Variants in ACOXL observed in about 807,000 individuals in gnomAD.
ACOXL encodes acyl-CoA oxidase like, also known as acyl-coenzyme A oxidase-like protein.
Under a neutral mutation model 71.9 loss-of-function variants are expected in ACOXL, and 70 were observed. The observed-to-expected ratio is 0.97, with a 90% CI of 0.80 to 1.19. The LOEUF (loss-of-function observed/expected upper bound fraction) is 1.19. ACOXL is among the 50% of genes most tolerant of loss of function. The pLI, the probability that ACOXL is intolerant of heterozygous loss-of-function variation, is 0.00. For synonymous variants in ACOXL, 253 were observed against 281.6 expected (o/e 0.90, Z 1.02); for missense variants, 703 against 736.3 (o/e 0.95, Z 0.52).
At chr2:110,797,480 C>A (rs1685419622) in intron 5 of ACOXL, among the ~76,000 whole-genome samples, 1 of 152,232 alleles carries the variant, frequency 6.6e-6, no homozygotes, top group Non-Finnish European at 1.5e-5. Flanking sequence ...TGAGGGATTT[C>A]TTTTTATAAA....
At chr2:110,943,805 G>T (rs946311334) in intron 12 of ACOXL, among the ~76,000 whole-genome samples, 2 of 152,094 alleles carry the variant, frequency 1.3e-5, no homozygotes, top group African/African-American at 4.8e-5. Flanking sequence ...ACCCAGGTAT[G>T]TCCTGGCCTG....
chr2:111,002,166 G>C (rs1192495555), intron 14 of ACOXL, among the ~76,000 whole-genome samples: 5 of 152,184 alleles, frequency 3.3e-5, no homozygotes, highest in African/African-American at 1.2e-4. Flanking sequence ...CAGACAGCCA[G>C]CAACTGGACT....
At chr2:111,092,745 A>G in intron 16 of ACOXL, 120 bp from the exon 17 acceptor site, 1 of 713,002 alleles carries the variant, frequency 1.4e-6, no homozygotes, top group Non-Finnish European at 2.4e-6. Context: ...TTAGGAAAGT[A>G]TTAACTTTTA....
chr2:110,967,670 T>TA (rs1255886664), intron 12 of ACOXL, among the ~76,000 whole-genome samples: 2 of 152,106 alleles, frequency 1.3e-5, no homozygotes, highest in African/African-American at 4.8e-5. Context: ...AAAGGAGAAA[T>TA]AGACAAATCA....
intron 10 of ACOXL, among the ~76,000 whole-genome samples, chr2:110,859,029 T>C (rs1270120328): frequency 2.0e-5 from 3 of 152,236 alleles, no homozygotes; most frequent in African/African-American, 4.8e-5. Context: ...TATATGACAA[T>C]TAAAGGTCAA....
intron 15 of ACOXL, among the ~76,000 whole-genome samples, chr2:111,040,483 C>T (rs546158953): frequency 1.3e-5 from 2 of 152,266 alleles, no homozygotes; most frequent in African/African-American, 4.8e-5. Flanking sequence ...TGTTGAAGTC[C>T]TGCCTTGTGC....
chr2:110,789,591 C>T (rs1274618073), intron 3 of ACOXL, among the ~76,000 whole-genome samples: 1 of 152,124 alleles, frequency 6.6e-6, no homozygotes, highest in Non-Finnish European at 1.5e-5. Flanking sequence ...GCTTTTTCTT[C>T]CTCTTCTTTA....
intron 9 of ACOXL, among the ~76,000 whole-genome samples, chr2:110,823,384 T>G (rs1216061945): frequency 6.6e-6 from 1 of 152,258 alleles, no homozygotes; most frequent in Non-Finnish European, 1.5e-5. Context: ...TCTCGGTTGC[T>G]TCCAGTTTTT....
At chr2:110,960,107 A>C (rs1387091840) in intron 12 of ACOXL, among the ~76,000 whole-genome samples, 2 of 152,142 alleles carry the variant, frequency 1.3e-5, no homozygotes, top group African/African-American at 4.8e-5. Flanking sequence ...TTCAGACCTG[A>C]GATGGAAATG....
chr2:111,074,792 A>C lies in ACOXL; in HGVS notation c.1441-18073A>C, dbSNP rs192115124. ...ATATTTTTTTTAGAGACAGGGTTTC[A>C]CCATGTTGTCCCAGCTTGTCTCAAA... On this transcript the variant is annotated intron_variant, in intron 16 of 17. Coordinates refer to ENST00000439055, the MANE Select transcript of ACOXL (RefSeq NM_001142807.4). 3.9e-5 allele frequency among the ~76,000 whole-genome samples: 6 copies of C among 152,104 alleles called. No individual in the cohort carries two copies. The East Asian group carries it at 1.2e-3, about 29-fold the overall frequency.
At chr2:110,798,182 G>GGCT (rs1465508384) in intron 5 of ACOXL, among the ~76,000 whole-genome samples, 1 of 151,844 alleles carries the variant, frequency 6.6e-6, no homozygotes, top group African/African-American at 2.4e-5. Flanking sequence ...CCTTCCCATT[G>GGCT]TCTTCTCTTC....
At chr2:110,897,200 T>C (rs1001008051) in intron 10 of ACOXL, among the ~76,000 whole-genome samples, 1 of 152,098 alleles carries the variant, frequency 6.6e-6, no homozygotes, top group African/African-American at 2.4e-5. Flanking sequence ...AAAATATATA[T>C]CAAAAATTGT....
At chr2:110,831,900 T>A (rs1463546022) in intron 9 of ACOXL, among the ~76,000 whole-genome samples, 2 of 152,046 alleles carry the variant, frequency 1.3e-5, no homozygotes, top group African/African-American at 4.8e-5. Flanking sequence ...CTTATACAAG[T>A]CTTACACCTT....
intron 11 of ACOXL, 109 bp from the exon 12 acceptor site, chr2:110,933,380 A>G (rs1330519687): frequency 1.1e-5 from 14 of 1,318,670 alleles, no homozygotes; most frequent in South Asian, 1.6e-5. Flanking sequence ...CATCACTGAC[A>G]TCATATTCTT....
intron 9 of ACOXL, among the ~76,000 whole-genome samples, chr2:110,823,607 T>A (rs1277771432): frequency 6.6e-6 from 1 of 152,222 alleles, no homozygotes; most frequent in Non-Finnish European, 1.5e-5. Flanking sequence ...TGCTTGCCAT[T>A]CTGGGTCCTT....
intron 10 of ACOXL, among the ~76,000 whole-genome samples, chr2:110,846,404 G>T (rs1691838666): frequency 6.6e-6 from 1 of 152,102 alleles, no homozygotes; most frequent in East Asian, 1.9e-4. Flanking sequence ...CTAAAATCCT[G>T]TACCCTTGGC....
At chr2:111,078,260 A>AT (rs1442984842) in intron 16 of ACOXL, among the ~76,000 whole-genome samples, 3 of 151,474 alleles carry the variant, frequency 2.0e-5, no homozygotes, top group Admixed American at 6.6e-5. Context: ...TTTATGTTTT[A>AT]TATTTCTTTC....
At chr2:110,970,006 A>G (rs2062110928) in intron 12 of ACOXL, among the ~76,000 whole-genome samples, 1 of 151,978 alleles carries the variant, frequency 6.6e-6, no homozygotes, top group Non-Finnish European at 1.5e-5. Context: ...TGAAAAATAA[A>G]TCTCCTGGCC....
chr2:111,031,959 C>T (rs1269640779), intron 15 of ACOXL, among the ~76,000 whole-genome samples: 1 of 152,204 alleles, frequency 6.6e-6, no homozygotes, highest in Admixed American at 6.5e-5. Flanking sequence ...AGGAACAGCT[C>T]ACTTAACACA....
Sources: gnomAD v4.1 joint callset for allele counts (sites outside exome capture counted in the v4.1 genomes callset) on GRCh38, gnomAD v4.1.1 for gene constraint, MANE v1.5 for transcripts, NCBI Gene and HGNC (gene_info 2026-07-23, HGNC 2026-07-21) for gene names.